Variants in SHISA9 observed in about 807,000 individuals in gnomAD.
SHISA9 encodes the protein shisa family member 9.
In SHISA9, 13 loss-of-function variants were observed where a neutral mutation model predicts 38.0. The observed-to-expected ratio is 0.34, with a 90% CI of 0.22 to 0.54. SHISA9 has a LOEUF of 0.54. Ranked by LOEUF, SHISA9 falls within the 20% of genes least tolerant of loss-of-function variation. The pLI is 0.91. For missense variants in SHISA9, 538 were observed against 575.8 expected, an observed-to-expected ratio of 0.93 and a Z score of 0.67; for synonymous variants, 275 against 242.0, an observed-to-expected ratio of 1.14 and a Z score of -1.27.
chr16:12,911,838 CAT>C (rs2071188142), intron 1 of SHISA9, among the ~76,000 whole-genome samples: 2 of 152,240 alleles, frequency 1.3e-5, no homozygotes, highest in African/African-American at 2.4e-5. Flanking sequence ...TTTTAAACCA[CAT>C]GTCTGCTTTG....
chr16:13,386,541 C>G, the SHISA9 span, among the ~76,000 whole-genome samples: 3 of 152,160 alleles, frequency 2.0e-5, no homozygotes, highest in Non-Finnish European at 4.4e-5. Flanking sequence ...TTCCAAGAAT[C>G]TAATAAATTA....
intron 2 of SHISA9, among the ~76,000 whole-genome samples, chr16:12,950,612 A>G (rs573707014): frequency 6.6e-6 from 1 of 151,848 alleles, no homozygotes; most frequent in East Asian, 1.9e-4. Context: ...ATGACCTTTT[A>G]ATTTGTTTTT....
the SHISA9 span, among the ~76,000 whole-genome samples, chr16:13,456,386 T>A: frequency 2.2e-4 from 33 of 152,348 alleles, no homozygotes; most frequent in African/African-American, 7.9e-4. Context: ...ATAATCATGT[T>A]TTTTCCTCCA....
In SHISA9 at chr16:12,901,912, G is replaced by A. The variant is rs2071020623; in HGVS notation, c.-153G>A. 4.9e-6 allele frequency: 2 copies of A among 404,598 alleles called. No individual in the cohort carries two copies. The highest frequency in any genetic ancestry group is 2.1e-5 in the African/African-American group (1 of 46,812). The allele number at this position is 404,598 out of a possible 1,614,324, so 25.1% of individuals were successfully genotyped here. ...GGCTGAGCCGAGCGCAGTGGCCGCCGACCACCGAGCGCCCCGCGCCGCTCC... is the reference window on the plus strand; with the variant it reads ...GGCTGAGCCGAGCGCAGTGGCCGCCAACCACCGAGCGCCCCGCGCCGCTCC... On this transcript the variant is annotated 5_prime_UTR_variant, in exon 1 of 5. Transcript: ENST00000558583.
At chr16:13,334,211 T>G in the SHISA9 span, among the ~76,000 whole-genome samples, 3 of 152,198 alleles carry the variant, frequency 2.0e-5, no homozygotes, top group South Asian at 6.2e-4. Flanking sequence ...GATTCCTCCT[T>G]TCTGGGATTT....
chr16:12,951,903 C>T (rs1035464955), intron 2 of SHISA9, among the ~76,000 whole-genome samples: 2 of 152,152 alleles, frequency 1.3e-5, no homozygotes, highest in Non-Finnish European at 2.9e-5. Flanking sequence ...GGAGGACAAA[C>T]AAAACCAAAC....
chr16:13,292,475 C>A, the SHISA9 span, among the ~76,000 whole-genome samples: 7 of 152,086 alleles, frequency 4.6e-5, no homozygotes, highest in Admixed American at 3.9e-4. Context: ...CATTCCAAAT[C>A]TAGTGACAGA....
the SHISA9 span, among the ~76,000 whole-genome samples, chr16:13,522,734 C>G: frequency 1.3e-5 from 2 of 152,166 alleles, no homozygotes; most frequent in South Asian, 4.1e-4. Context: ...TTGAAAATGT[C>G]TTCCCTGATG....
At chr16:12,923,708 G>A (rs1281848195) in intron 2 of SHISA9, among the ~76,000 whole-genome samples, 1 of 151,992 alleles carries the variant, frequency 6.6e-6, no homozygotes. Context: ...GGGCGTGGTG[G>A]TGGGCGCCTG....
the SHISA9 span, among the ~76,000 whole-genome samples, chr16:13,288,594 G>C: frequency 2.0e-5 from 3 of 152,136 alleles, no homozygotes; most frequent in Non-Finnish European, 4.4e-5. Flanking sequence ...AGGAGATCTA[G>C]ACCATCCTGG....
rs191437903 is a variant in SHISA9 at position 13,181,496 on chromosome 16, G to T, written c.692-21898G>T. The stretch of plus-strand genomic sequence containing the variant: ...TGGGGGATAGAGATCAATGGGAAAG[G>T]TAATGCCATGTGTCTGGAGAAGTTG... On this transcript the variant is annotated intron_variant, in intron 2 of 4. Transcript: ENST00000558583. 1.0e-3 allele frequency among the ~76,000 whole-genome samples: 152 copies of T among 151,924 alleles called. 1 individual carries two copies. Among genetic ancestry groups the T allele is most frequent in the African/African-American group, 3.5e-3 (144 of 41,442 alleles).
At chr16:13,289,070 G>C in the SHISA9 span, among the ~76,000 whole-genome samples, 1 of 152,108 alleles carries the variant, frequency 6.6e-6, no homozygotes, top group Non-Finnish European at 1.5e-5. Context: ...GTGGTAAATA[G>C]GGTTAGAGGC....
intron 2 of SHISA9, among the ~76,000 whole-genome samples, chr16:13,112,866 A>C (rs1164972939): frequency 6.6e-6 from 1 of 152,048 alleles, no homozygotes. Flanking sequence ...GTCACTTAGA[A>C]TTAGGGTCTC....
At chr16:13,432,913 G>A in the SHISA9 span, among the ~76,000 whole-genome samples, 3 of 152,006 alleles carry the variant, frequency 2.0e-5, no homozygotes, top group East Asian at 1.9e-4. Context: ...GGGGTCTATC[G>A]GAGGGTGGAG....
chr16:13,345,614 C>T, the SHISA9 span, among the ~76,000 whole-genome samples: 2 of 151,994 alleles, frequency 1.3e-5, no homozygotes, highest in Admixed American at 1.3e-4. Flanking sequence ...TTCTATTATA[C>T]CCAGTAATGG....
intron 3 of SHISA9, among the ~76,000 whole-genome samples, chr16:13,208,415 C>T (rs1285952113): frequency 6.7e-6 from 1 of 148,980 alleles, no homozygotes; most frequent in African/African-American, 2.5e-5. Context: ...TTAAAGAGAC[C>T]TCTTTTCCTT....
the SHISA9 span, among the ~76,000 whole-genome samples, chr16:13,532,545 G>A: frequency 9.5e-6 from 1 of 105,236 alleles, no homozygotes; most frequent in African/African-American, 4.0e-5. Context: ...ATAATACTAT[G>A]TGCGTGTGTG....
chr16:13,395,095 C>T, the SHISA9 span, among the ~76,000 whole-genome samples: 1 of 152,058 alleles, frequency 6.6e-6, no homozygotes, highest in Non-Finnish European at 1.5e-5. Flanking sequence ...ATGAAATGTT[C>T]CTCCAGAATG....
the SHISA9 span, among the ~76,000 whole-genome samples, chr16:13,482,792 T>A: frequency 8.2e-6 from 1 of 121,364 alleles, no homozygotes; most frequent in African/African-American, 3.2e-5. Context: ...CAGAGCAAGA[T>A]CCTGTCACTA....
Sources: gnomAD v4.1 joint callset for allele counts (sites outside exome capture counted in the v4.1 genomes callset) on GRCh38, gnomAD v4.1.1 for gene constraint, MANE v1.5 for transcripts, NCBI Gene and HGNC (gene_info 2026-07-23, HGNC 2026-07-21) for gene names.